Variants in JRK observed in about 807,000 individuals in gnomAD.
JRK encodes the protein jerky protein homolog.
For missense variants in JRK, 720 were observed against 509.2 expected, an observed-to-expected ratio of 1.41 and a Z score of -3.98; for synonymous variants, 303 against 218.1, an observed-to-expected ratio of 1.39 and a Z score of -3.43.
Position 142,662,588 on chromosome 8 carries a change from G to A in JRK, c.*1764C>T. ...CACCGAGATCTTTAAAAACTATTTGGCTTTTATAATCTTCACACATGCATT... is the reference window on the plus strand; with the variant it reads ...CACCGAGATCTTTAAAAACTATTTGACTTTTATAATCTTCACACATGCATT... On this transcript the variant is annotated 3_prime_UTR_variant, in exon 2 of 2. Coordinates refer to ENST00000612905, the MANE Select transcript of JRK (RefSeq NM_003724.4). The A allele has an allele frequency of 3.0e-6, 3 of 985,410 alleles. No homozygotes were observed. Among genetic ancestry groups the A allele is most frequent in the Non-Finnish European group, 3.6e-6 (3 of 829,926 alleles). The allele number at this position is 985,410 out of a possible 1,614,324, so 61.0% of individuals were successfully genotyped here. A position where few individuals can be genotyped will look rare whatever the true frequency, so the allele number is the denominator to read the frequency against.
Position 142,659,871 on chromosome 8 carries a change from C to G in JRK, c.*4481G>C. 1 of 985,644 alleles carries G rather than the reference C, an allele frequency of 1.0e-6. No homozygotes were observed. Among genetic ancestry groups the G allele is most frequent in the African/African-American group, 1.7e-5 (1 of 57,370 alleles). 61.1% of individuals were successfully genotyped at this position (985,644 alleles called of 1,614,324 possible). A position where few individuals can be genotyped will look rare whatever the true frequency, so the allele number is the denominator to read the frequency against. On this transcript the variant is annotated 3_prime_UTR_variant, in exon 2 of 2. Coordinates refer to ENST00000612905, the MANE Select transcript of JRK (RefSeq NM_003724.4). The stretch of plus-strand genomic sequence containing the variant: ...GCCCCTCCCTGGGCCCCAGTCTCAT[C>G]CCTAAACAGGAGTGACCCCACCTCA...
Position 142,664,642 on chromosome 8 carries a change from G to C in JRK, c.1417C>G (p.Gln473Glu). Residue 473 changes from glutamine to glutamate, a missense_variant, in exon 2 of 2, where the codon CAG (glutamine) becomes GAG (glutamate). Gln to Glu is a conservative substitution (Grantham distance 29). Transcript: ENST00000612905. ...TCACCAGGATCTCCTCTGCCGTCCTGGTCAGCTTTCGGAGTCTTTTCTGAA... is the reference window on the plus strand; with the variant it reads ...TCACCAGGATCTCCTCTGCCGTCCTCGTCAGCTTTCGGAGTCTTTTCTGAA... ...WSSEKTPKAD[Q>E]DGRGDPGEGE... 1 of 1,611,622 alleles carries C rather than the reference G, an allele frequency of 6.2e-7. No individual in the cohort carries two copies. The highest frequency in any genetic ancestry group is 8.5e-7 in the Non-Finnish European group (1 of 1,179,348).
rs772758461 is a variant in JRK, at chr8:142,664,508, C to A, written c.1551G>T (p.Ala517=). 4.4e-6 allele frequency: 7 copies of A among 1,609,092 alleles called. No individual in the cohort carries two copies. Among genetic ancestry groups the A allele is most frequent in the Non-Finnish European group, 5.9e-6 (7 of 1,178,492 alleles). The stretch of plus-strand genomic sequence containing the variant: ...GCTGGCTCCGGAACACGGCACGCAG[C>A]GCCCGCAGCTGCCCCACTTCCTGCG... ...FSAQEVGQLR[A]LRAVFRSQQQ... is the part of the protein sequence containing the mutation. Residue 517 remains alanine, a synonymous_variant, in exon 2 of 2, where the codon GCG becomes GCT. Transcript: ENST00000612905.
intron 1 of JRK, among the ~76,000 whole-genome samples, chr8:142,667,322 G>A (rs910303149): frequency 6.6e-6 from 1 of 152,106 alleles, no homozygotes; most frequent in Non-Finnish European, 1.5e-5. Context: ...GCCCCAGGCA[G>A]CCACACTGAG....
At chr8:142,650,246 G>C in the JRK span, among the ~76,000 whole-genome samples, 1 of 152,222 alleles carries the variant, frequency 6.6e-6, no homozygotes, top group Non-Finnish European at 1.5e-5. Context: ...GATTTTACAG[G>C]CTCATAGGCA....
the JRK span, among the ~76,000 whole-genome samples, chr8:142,651,624 T>G: frequency 6.6e-6 from 1 of 151,614 alleles, no homozygotes; most frequent in African/African-American, 2.4e-5. Flanking sequence ...TCAGATTTGA[T>G]CAAGTCAGAT....
the JRK span, among the ~76,000 whole-genome samples, chr8:142,648,953 A>G: frequency 6.6e-6 from 1 of 152,238 alleles, no homozygotes; most frequent in Non-Finnish European, 1.5e-5. Flanking sequence ...CATGACCTGG[A>G]TGTGAGAAAT....
Position 142,664,906 on chromosome 8 carries a change from G to A in JRK, c.1153C>T (p.Leu385=). The change falls in exon 2 of 2, where the codon CTG becomes TTG. Residue 385 remains leucine (L), a synonymous_variant. Transcript: ENST00000612905. ...TCGGCAAACGCAACCGACGGCCACA[G>A]CTTCCTCCAGGCCCGCCTGAAGACG... ...SHVFRRAWRK[L]WPSVAFAEGS... is the part of the protein sequence containing the mutation. 9.4e-7 allele frequency: 1 copy of A among 1,065,488 alleles called. No individual in the cohort carries two copies. Among genetic ancestry groups the A allele is most frequent in the Non-Finnish European group, 1.5e-6 (1 of 683,644 alleles). 66.0% of individuals were successfully genotyped at this position (1,065,488 alleles called of 1,614,324 possible). A position where few individuals can be genotyped will look rare whatever the true frequency, so the allele number is the denominator to read the frequency against.
In JRK at chr8:142,665,110, T is replaced by C; in HGVS notation, c.949A>G (p.Thr317Ala). The C allele has an allele frequency of 1.4e-6, 1 of 717,836 alleles. No individual in the cohort carries two copies. Among genetic ancestry groups the C allele is most frequent in the South Asian group, 1.5e-5 (1 of 67,594 alleles). 44.5% of individuals were successfully genotyped at this position (717,836 alleles called of 1,614,324 possible). Residue 317 changes from threonine (T) to alanine (A), a missense_variant, in exon 2 of 2, where the codon ACC becomes GCC. Physicochemically the swap from Thr to Ala is moderately conservative, Grantham distance 58. Coordinates refer to ENST00000612905, the MANE Select transcript of JRK (RefSeq NM_003724.4). Reference protein sequence around the residue: ...EAELVSSNVFTIFLPASVASL... With the variant: ...EAELVSSNVFAIFLPASVASL... ...GCCACGCTGGCAGGCAGGAAGATGG[T>C]GAAAACGTTACTGGACACCAGCTCG... is the stretch of plus-strand genomic sequence containing the variant.
Position 142,660,700 on chromosome 8 carries a change from A to C in JRK, c.*3652T>G, listed in dbSNP as rs4736363. On this transcript the variant is annotated 3_prime_UTR_variant, in exon 2 of 2. Transcript: ENST00000612905. Reference sequence around the variant, plus strand: ...TTCAGGCAGAAGCCACCACACCCGGATCCCCAATAAGCACATTTATGTGGG... The same window carrying C: ...TTCAGGCAGAAGCCACCACACCCGGCTCCCCAATAAGCACATTTATGTGGG... 649,081 of 984,876 alleles carry C rather than the reference A, an allele frequency of 0.66. 217,872 individuals are homozygous for C. Among genetic ancestry groups the C allele is most frequent in the Admixed American group, 0.69 (11,162 of 16,234 alleles). 61.0% of individuals were successfully genotyped at this position (984,876 alleles called of 1,614,324 possible).
chr8:142,666,281 A>G lies in JRK; in HGVS notation c.-223T>C. ...GTATCCCTGGTCTTCCAGGCTCCACACACCTAGGCCTTGGCTCCTGGCAGT... is the reference window on the plus strand; with the variant it reads ...GTATCCCTGGTCTTCCAGGCTCCACGCACCTAGGCCTTGGCTCCTGGCAGT... On this transcript the variant is annotated 5_prime_UTR_variant, in exon 2 of 2. Coordinates refer to ENST00000612905, the MANE Select transcript of JRK (RefSeq NM_003724.4). The G allele has an allele frequency of 1.4e-6, 1 of 720,060 alleles. No homozygotes were observed. The highest frequency in any genetic ancestry group is 1.9e-5 in the South Asian group (1 of 53,818). The allele number at this position is 720,060 out of a possible 1,614,324, so 44.6% of individuals were successfully genotyped here. A position where few individuals can be genotyped will look rare whatever the true frequency, so the allele number is the denominator to read the frequency against.
In JRK at chr8:142,661,834, AGACGGGTCAG is replaced by A; in HGVS notation, c.*2508_*2517del. 1 of 985,596 alleles carries A rather than the reference AGACGGGTCAG, an allele frequency of 1.0e-6. No individual in the cohort carries two copies. 61.1% of individuals were successfully genotyped at this position (985,596 alleles called of 1,614,324 possible). A position where few individuals can be genotyped will look rare whatever the true frequency, so the allele number is the denominator to read the frequency against. Reference sequence around the variant, plus strand: ...AAACATTCAACCACTTGAGCTTCTGAGACGGGTCAGGAAGTGAAAACAAAGTGCTCGGAGG... The same window carrying A: ...AAACATTCAACCACTTGAGCTTCTGAGAAGTGAAAACAAAGTGCTCGGAGG... On this transcript the variant is annotated 3_prime_UTR_variant, in exon 2 of 2. Transcript: ENST00000612905.
the JRK span, among the ~76,000 whole-genome samples, chr8:142,652,012 AG>A: frequency 1.3e-5 from 2 of 150,108 alleles, no homozygotes; most frequent in Non-Finnish European, 3.0e-5. Context: ...CTCCAAAAAA[AG>A]GGGGGGTGGT....
Position 142,664,338 on chromosome 8 carries a change from G to C in JRK, c.*14C>G, listed in dbSNP as rs782363443. ...AGAAACAGGGCCAGTGGCCAGGGCAGGGCAGAGAAGCCATCAGTTGTCACC... is the reference window on the plus strand; with the variant it reads ...AGAAACAGGGCCAGTGGCCAGGGCACGGCAGAGAAGCCATCAGTTGTCACC... On this transcript the variant is annotated 3_prime_UTR_variant, in exon 2 of 2. Coordinates refer to ENST00000612905, the MANE Select transcript of JRK (RefSeq NM_003724.4). The C allele has an allele frequency of 6.5e-7, 1 of 1,545,040 alleles. No individual in the cohort carries two copies. Among genetic ancestry groups the C allele is most frequent in the Admixed American group, 1.9e-5 (1 of 53,204 alleles).
At chr8:142,667,285 C>G (rs587629705) in intron 1 of JRK, among the ~76,000 whole-genome samples, 30 of 152,314 alleles carry the variant, frequency 2.0e-4, no homozygotes, top group African/African-American at 7.0e-4. Flanking sequence ...CCAGAGGGGA[C>G]CCCTCAAGCT....
At chr8:142,669,361 G>A (rs1313578176) in intron 1 of JRK, among the ~76,000 whole-genome samples, 1 of 152,086 alleles carries the variant, frequency 6.6e-6, no homozygotes, top group Non-Finnish European at 1.5e-5. Context: ...CGCAGAGAGC[G>A]CCCGAGAGCC....
rs112107379 is a variant in JRK, at chr8:142,660,523, C to T, written c.*3829G>A. On this transcript the variant is annotated 3_prime_UTR_variant, in exon 2 of 2. Coordinates refer to ENST00000612905, the MANE Select transcript of JRK (RefSeq NM_003724.4). ...TTGGGGATCCTCCCGCCTCGGCCTC[C>T]TGAGTAGCTGGGGTTACAGGCACAT... 2.5e-3 allele frequency: 1,941 copies of T among 774,082 alleles called. 34 individuals carry two copies. In the African/African-American group the frequency reaches 0.035, roughly 14 times the overall value. The allele number at this position is 774,082 out of a possible 1,614,324, so 48.0% of individuals were successfully genotyped here. A position where few individuals can be genotyped will look rare whatever the true frequency, so the allele number is the denominator to read the frequency against.
downstream of JRK, among the ~76,000 whole-genome samples, chr8:142,652,526 A>C (rs1431273849): frequency 6.6e-6 from 1 of 152,166 alleles, no homozygotes; most frequent in African/African-American, 2.4e-5. Flanking sequence ...GCCTCTCCAA[A>C]GAAGGGAATC....
At chr8:142,669,185 TGTGTGTGTGTGTGTGC>T (rs782784077) in intron 1 of JRK, among the ~76,000 whole-genome samples, 78 of 122,506 alleles carry the variant, frequency 6.4e-4, no homozygotes, top group East Asian at 1.2e-3. Flanking sequence ...TGTGTGTGTG[TGTGTGTGTGTGTGTGC>T]GTGTGTGTGT....
Sources: gnomAD v4.1 joint callset for allele counts (sites outside exome capture counted in the v4.1 genomes callset) on GRCh38, gnomAD v4.1.1 for gene constraint, MANE v1.5 for transcripts, NCBI Gene and HGNC (gene_info 2026-07-23, HGNC 2026-07-21) for gene names.